WDR46: variants seen among roughly 807,000 people sequenced by gnomAD.
The protein encoded by WDR46 is WD repeat domain 46, also known as WD repeat-containing protein 46.
In WDR46, 58 loss-of-function variants were observed where a neutral mutation model predicts 74.7. The ratio of observed to expected loss-of-function variants is 0.78; its 90% CI spans 0.63 to 0.97. The LOEUF (loss-of-function observed/expected upper bound fraction) is 0.97. Ranked by LOEUF, WDR46 falls within the 50% of genes least tolerant of loss-of-function variation. The probability of loss-of-function intolerance (pLI) is 0.00; values close to 1 mark genes in which losing one functional copy is unlikely to be tolerated. For synonymous variants in WDR46, 278 were observed against 297.3 expected (o/e 0.93, Z 0.67); for missense variants, 702 against 790.1 (o/e 0.89, Z 1.34).
chr6:33,288,861 C>T lies in WDR46; in HGVS notation c.222G>A (p.Gln74=), dbSNP rs758249505. The T allele has an allele frequency of 6.2e-7, 1 of 1,614,168 alleles. No homozygotes were observed. Among genetic ancestry groups the T allele is most frequent in the Non-Finnish European group, 8.5e-7 (1 of 1,180,024 alleles). ...TCCATTCTCGGGGTTTCTTCGGGAC[C>T]TGAGGCTTCTTAGAGATCCGAGACT... The part of the protein sequence containing the change: ...LKKSRISKKP[Q]VPKKPREWKN... Residue 74 remains glutamine, a synonymous_variant, in exon 2 of 15, where the codon CAG becomes CAA. Coordinates refer to ENST00000374617, the MANE Select transcript of WDR46 (RefSeq NM_005452.6).
intron 10 of WDR46, 62 bp downstream of exon 10, chr6:33,286,733 C>G (rs1168246234): frequency 7.2e-6 from 11 of 1,521,102 alleles, no homozygotes; most frequent in Non-Finnish European, 9.1e-6. Flanking sequence ...CTAAAGCACA[C>G]TGCCTTCCAC....
In WDR46 at chr6:33,280,955, A is replaced by G. The variant is rs750165261; in HGVS notation, c.1148T>C (p.Leu383Pro). 2 of 1,612,868 alleles carry G rather than the reference A, an allele frequency of 1.2e-6. No individual in the cohort carries two copies. Among genetic ancestry groups the G allele is most frequent in the Non-Finnish European group, 1.7e-6 (2 of 1,179,172 alleles). Residue 383 changes from leucine to proline, a missense_variant, in exon 11 of 15, where the codon CTG (leucine) becomes CCG (proline). Physicochemically the swap from Leu to Pro is moderately conservative, Grantham distance 98. Transcript: ENST00000374617. ...CGTCCCTCGCAAGTCAAAGATCTTC[A>G]GCTGGTGGTCTAGGCCAGAGGTGGC... is the stretch of plus-strand genomic sequence containing the variant. ...YMATSGLDHQ[L>P]KIFDLRGTYQ...
Position 33,287,464 on chromosome 6 carries a change from C to T in WDR46, c.770G>A (p.Arg257His), listed in dbSNP as rs781466679. 4.3e-6 allele frequency: 7 copies of T among 1,612,592 alleles called. No homozygotes were observed. The highest frequency in any genetic ancestry group is 1.6e-4 in the Middle Eastern group (1 of 6,082). ...SEALLAVAQN[R>H]WLHIYDNQGI... is the part of the protein sequence containing the mutation. Reference sequence around the variant, plus strand: ...CTGATTGTCATAGATGTGGAGCCAGCGGTTCTGAGCAACAGCAAGCAGTGC... The same window carrying T: ...CTGATTGTCATAGATGTGGAGCCAGTGGTTCTGAGCAACAGCAAGCAGTGC... The change falls in exon 8 of 15, where the codon CGC becomes CAC. Residue 257 changes from arginine to histidine, a missense_variant. Arg to His is a conservative substitution (Grantham distance 29). Transcript: ENST00000374617.
intron 12 of WDR46, 24 bp downstream of exon 12, chr6:33,280,404 C>A (rs754649753): frequency 7.7e-6 from 12 of 1,556,690 alleles, no homozygotes; most frequent in Admixed American, 1.9e-5. Context: ...GGGGATCTCA[C>A]CCTCTCCAGC....
At position 33,288,595 on chromosome 6, in the gene WDR46, C is replaced by G; in HGVS notation, c.360+19G>C. 1 of 1,612,390 alleles carries G rather than the reference C, an allele frequency of 6.2e-7. No individual in the cohort carries two copies. Among genetic ancestry groups the G allele is most frequent in the Non-Finnish European group, 8.5e-7 (1 of 1,179,076 alleles). The stretch of plus-strand genomic sequence containing the variant: ...ACTCCCTGCCTCCAGCACTTCCCAA[C>G]TCTCCGGCTGGACCTCACCTTTCGG... On this transcript the variant is annotated intron_variant, in intron 3 of 14. Coordinates refer to ENST00000374617, the MANE Select transcript of WDR46 (RefSeq NM_005452.6).
In WDR46 at chr6:33,279,814, C is replaced by T; in HGVS notation, c.1570G>A (p.Val524Met). The change falls in exon 13 of 15, where the codon GTG becomes ATG. Residue 524 changes from valine to methionine, a missense_variant. Physicochemically the swap from Val to Met is conservative, Grantham distance 21. Transcript: ENST00000374617. ...ICLDPRALAE[V>M]DVISLEQGKK... The stretch of plus-strand genomic sequence containing the variant: ...CCCTGCTCCAGGGAGATGACATCCA[C>T]CTCGGCCAGGGCTCGTGGGTCCAGA... 1.2e-6 allele frequency: 2 copies of T among 1,614,144 alleles called. No homozygotes were observed. Among genetic ancestry groups the T allele is most frequent in the East Asian group, 4.5e-5 (2 of 44,878 alleles).
intron 13 of WDR46, 66 bp downstream of exon 13, chr6:33,279,698 A>G: frequency 6.2e-7 from 1 of 1,612,352 alleles, no homozygotes; most frequent in Non-Finnish European, 8.5e-7. Flanking sequence ...TTCTGGGGAC[A>G]AGCCATGGTG....
intron 2 of WDR46, 50 bp from the exon 3 acceptor site, chr6:33,288,744 C>A: frequency 6.2e-7 from 1 of 1,613,116 alleles, no homozygotes; most frequent in Non-Finnish European, 8.5e-7. Flanking sequence ...TTGACCCCAA[C>A]CCTCTCACTC....
intron 9 of WDR46, 62 bp from the exon 10 acceptor site, chr6:33,286,956 G>C: frequency 6.3e-7 from 1 of 1,597,166 alleles, no homozygotes; most frequent in Non-Finnish European, 8.6e-7. Flanking sequence ...ACTAAACATG[G>C]GAAAGATGGG....
intron 12 of WDR46, 74 bp from the exon 13 acceptor site, chr6:33,279,933 G>A (rs954313951): frequency 1.3e-6 from 2 of 1,489,444 alleles, no homozygotes; most frequent in Non-Finnish European, 1.8e-6. Flanking sequence ...AAGCCAGGGA[G>A]GCTGCTGAAC....
rs1399197298 is a variant in WDR46, at chr6:33,289,101, C to G, written c.69+1G>C. 6.2e-7 allele frequency: 1 copy of G among 1,613,226 alleles called. No homozygotes were observed. ...CGTTTCCCACCCAGGGAGGCCTCTA[C>G]CTTTCTCTTGGTCTGAAGTTTGTCT... On this transcript the variant is annotated splice_donor_variant, in intron 1 of 14. Transcript: ENST00000374617. LOFTEE classifies it high-confidence loss of function.
Position 33,287,699 on chromosome 6 carries a change from G to C in WDR46, c.643C>G (p.Arg215Gly). 6.2e-7 allele frequency: 1 copy of C among 1,613,806 alleles called. No individual in the cohort carries two copies. The change falls in exon 7 of 15, where the codon CGC becomes GGC. Residue 215 changes from arginine to glycine, a missense_variant. Transcript: ENST00000374617. ...RTGRHLAFGGRRGHVAALDWV... is the reference protein window; with the variant it reads ...RTGRHLAFGGGRGHVAALDWV... ...TCAAGGGCAGCCACATGACCTCGGC[G>C]CCCTCCAAAAGCCAGGTGTCTGTTG...
chr6:33,288,936 C>T lies in WDR46; in HGVS notation c.147G>A (p.Lys49=), dbSNP rs143331167. 3.1e-6 allele frequency: 5 copies of T among 1,614,098 alleles called. No homozygotes were observed. The highest frequency in any genetic ancestry group is 2.2e-5 in the East Asian group (1 of 44,876). The change falls in exon 2 of 15, where the codon AAG becomes AAA. Residue 49 remains lysine (K), a synonymous_variant. Transcript: ENST00000374617. ...GTCTCTGAGGACGGAGCTCCCGATT[C>T]TTCTTGTTACGAGGAGGCCCTGGAG... ...GASPGPPRNK[K]NRELRPQRPK...
intron 2 of WDR46, 36 bp downstream of exon 2, chr6:33,288,768 C>G (rs1362480100): frequency 3.1e-6 from 5 of 1,613,266 alleles, no homozygotes; most frequent in Admixed American, 1.7e-5. Context: ...AGGAACGAGG[C>G]GGCCTGCCTC....
At chr6:33,280,578 CT>C in intron 11 of WDR46, 56 bp from the exon 12 acceptor site, 2 of 1,601,750 alleles carry the variant, frequency 1.2e-6, no homozygotes, top group Non-Finnish European at 1.7e-6. Context: ...AGTCCAACAG[CT>C]CCAGCCCAAC....
At position 33,280,910 on chromosome 6, in the gene WDR46, C is replaced by T. The variant is rs777997886; in HGVS notation, c.1193G>A (p.Arg398Gln). Reference protein sequence around the residue: ...LRGTYQPLSTRTLPHGAGHLA... With the variant: ...LRGTYQPLSTQTLPHGAGHLA... ...GTGCCCTGCTCCATGGGGCAGGGTC[C>T]GAGTGCTCAGAGGCTGGTACGTCCC... Residue 398 changes from arginine (R) to glutamine (Q), a missense_variant, in exon 11 of 15, where the codon CGG (arginine) becomes CAG (glutamine). Transcript: ENST00000374617. The T allele has an allele frequency of 5.0e-6, 8 of 1,614,010 alleles. No homozygotes were observed. Among genetic ancestry groups the T allele is most frequent in the Admixed American group, 1.7e-5 (1 of 60,002 alleles).
rs1399815656 is a variant in WDR46, at chr6:33,286,994, G to C, written c.1015+97C>G. On this transcript the variant is annotated intron_variant, in intron 9 of 14. Coordinates refer to ENST00000374617, the MANE Select transcript of WDR46 (RefSeq NM_005452.6). ...CTCAAGACCAAGAGATAACAAAAAA[G>C]GGAAATAAAAGGGTAACTTTAAGGG... 8.2e-6 allele frequency: 13 copies of C among 1,584,302 alleles called. No homozygotes were observed. The Admixed American group carries it at 2.2e-4, about 26-fold the overall frequency.
chr6:33,288,182 A>AT lies in WDR46; in HGVS notation c.526dup (p.Ile176AsnfsTer15). On this transcript the variant is annotated frameshift_variant, in exon 5 of 15. Transcript: ENST00000374617. LOFTEE classifies it high-confidence loss of function. Reference sequence around the variant, plus strand: ...ACTTGCAATGTCCACAGCCTCCACAATGTCAGCCTGGCATATCTTTGCTGT... The same window carrying AT: ...ACTTGCAATGTCCACAGCCTCCACAATTGTCAGCCTGGCATATCTTTGCTGT... 2 of 1,614,136 alleles carry AT rather than the reference A, an allele frequency of 1.2e-6. No individual in the cohort carries two copies. Among genetic ancestry groups the AT allele is most frequent in the Non-Finnish European group, 1.7e-6 (2 of 1,180,026 alleles).
At position 33,287,688 on chromosome 6, in the gene WDR46, A is replaced by G; in HGVS notation, c.654T>C (p.His218=). Residue 218 remains histidine, a synonymous_variant, in exon 7 of 15, where the codon CAT becomes CAC. Transcript: ENST00000374617. ...RHLAFGGRRG[H]VAALDWVTKK... The stretch of plus-strand genomic sequence containing the variant: ...TTGTTACCCAATCAAGGGCAGCCAC[A>G]TGACCTCGGCGCCCTCCAAAAGCCA... 21 of 1,613,942 alleles carry G rather than the reference A, an allele frequency of 1.3e-5. No homozygotes were observed. Among genetic ancestry groups the G allele is most frequent in the Non-Finnish European group, 1.7e-5 (20 of 1,180,000 alleles).
Sources: gnomAD v4.1 joint callset for allele counts on GRCh38, gnomAD v4.1.1 for gene constraint, MANE v1.5 for transcripts, NCBI Gene and HGNC (gene_info 2026-07-23, HGNC 2026-07-21) for gene names.